The following RPS6KA6 variants were observed in gnomAD, a reference collection of about 807,000 sequenced individuals.
The protein encoded by RPS6KA6 is ribosomal protein S6 kinase A6.
In RPS6KA6, 27 loss-of-function variants were observed where a neutral mutation model predicts 65.4. The ratio of observed to expected loss-of-function variants is 0.41; its 90% confidence interval spans 0.30 to 0.57. The LOEUF (loss-of-function observed/expected upper bound fraction) is 0.57, where lower values mean the gene tolerates loss of function less well. RPS6KA6 is among the 20% of genes least tolerant of loss of function. RPS6KA6 has a pLI of 0.24. For synonymous variants in RPS6KA6, 190 were observed against 184.2 expected, an observed-to-expected ratio of 1.03 and a Z score of -0.26; for missense variants, 486 against 555.6, an observed-to-expected ratio of 0.87 and a Z score of 1.26.
intron 12 of RPS6KA6, among the ~76,000 whole-genome samples, chrX:84,108,935 A>C (rs2034415479): frequency 8.9e-6 from 1 of 111,985 alleles, no homozygotes; most frequent in Non-Finnish European, 1.9e-5. Flanking sequence ...TGTTGGGTCT[A>C]CAGCACAGCT....
At chrX:84,180,473 C>T (rs1376965810) in intron 1 of RPS6KA6, among the ~76,000 whole-genome samples, 1 of 111,442 alleles carries the variant, frequency 9.0e-6, no homozygotes, top group African/African-American at 3.2e-5. Context: ...GTACTCTATT[C>T]TGGTCTACTG....
intron 20 of RPS6KA6, among the ~76,000 whole-genome samples, chrX:84,090,900 A>G (rs1372268730): frequency 8.9e-6 from 1 of 112,125 alleles, no homozygotes; most frequent in African/African-American, 3.2e-5. Flanking sequence ...CGAGCCTTCA[A>G]TTGTTAAAGG....
intron 1 of RPS6KA6, chrX:84,186,621 G>A (rs1190429454): frequency 9.0e-6 from 1 of 110,925 alleles, no homozygotes; most frequent in Non-Finnish European, 1.9e-5. Flanking sequence ...CTTAACCCCA[G>A]TTTAGTTGAT....
chrX:84,064,352 T>C lies in RPS6KA6; in HGVS notation c.2163A>G (p.Pro721=), dbSNP rs2033352366. 2 of 1,205,549 alleles carry C rather than the reference T, an allele frequency of 1.7e-6. No homozygotes were observed. The highest frequency in any genetic ancestry group is 3.6e-5 in the South Asian group (2 of 56,002). The change falls in exon 22 of 22, where the codon CCA becomes CCG. Residue 721 remains proline, a synonymous_variant. Coordinates refer to ENST00000262752, the MANE Select transcript of RPS6KA6 (RefSeq NM_014496.5). The part of the protein sequence containing the change: ...YSALTHKTFQ[P]VLEPVAASSL... ...TTGAAGCAGCTACAGGCTCTAGGAC[T>C]GGTTGAAAGGTCTTGTGAGTCAGGG...
chrX:84,106,614 G>A (rs936726979), intron 14 of RPS6KA6, 127 bp from the exon 15 acceptor site: 8 of 526,968 alleles, frequency 1.5e-5, no homozygotes, highest in East Asian at 7.9e-5. Flanking sequence ...AAGTTTTATC[G>A]ACATTTATAA....
At chrX:84,138,801 T>TTGTG (rs3077407) in intron 6 of RPS6KA6, among the ~76,000 whole-genome samples, 87 of 99,225 alleles carry the variant, frequency 8.8e-4, no homozygotes, top group African/African-American at 3.2e-3. Context: ...ACCTGTGTAT[T>TTGTG]TGTGTGTGTG....
rs925069789 is a variant in RPS6KA6 at position 84,073,101 on chromosome X, G to C, written c.1972-7990C>G. On this transcript the variant is annotated intron_variant, in intron 20 of 21. Transcript: ENST00000262752. ...CATTTTGAGCAAAAAGAACAAAGCT[G>C]GAGGCATAACACTGACTTCAAAGTA... Among the ~76,000 whole-genome samples, 3 of 111,577 alleles carry C rather than the reference G, an allele frequency of 2.7e-5. No homozygotes were observed. The South Asian group carries it at 1.1e-3, about 41-fold the overall frequency.
In RPS6KA6 at chrX:84,079,647, C is replaced by T. The variant is rs147514690; in HGVS notation, c.1972-14536G>A. Among the ~76,000 whole-genome samples, 142 of 111,147 alleles carry T rather than the reference C, an allele frequency of 1.3e-3. 2 individuals carry two copies. In the East Asian group the frequency reaches 0.032, roughly 25 times the overall value. The stretch of plus-strand genomic sequence containing the variant: ...CACTTGAGCTTGGTGGGGGGAGGGG[C>T]GTCCACCATCATTGAGGCTTGAGTA... On this transcript the variant is annotated intron_variant, in intron 20 of 21. Coordinates refer to ENST00000262752, the MANE Select transcript of RPS6KA6 (RefSeq NM_014496.5).
At chrX:84,100,913 T>C (rs1384384524) in intron 18 of RPS6KA6, among the ~76,000 whole-genome samples, 1 of 110,944 alleles carries the variant, frequency 9.0e-6, no homozygotes, top group Non-Finnish European at 1.9e-5. Context: ...TATAGTATTT[T>C]CTATATTTCT....
chrX:84,155,482 T>C (rs2035400210), intron 3 of RPS6KA6, among the ~76,000 whole-genome samples: 3 of 112,023 alleles, frequency 2.7e-5, no homozygotes, highest in Admixed American at 9.5e-5. Context: ...ACCATGTTAT[T>C]AAGTGCTTAA....
At chrX:84,115,428 G>A (rs918803184) in intron 12 of RPS6KA6, among the ~76,000 whole-genome samples, 11 of 111,779 alleles carry the variant, frequency 9.8e-5, no homozygotes, top group Non-Finnish European at 2.1e-4. Flanking sequence ...CAGTCAGGAG[G>A]GCTTTTATTA....
At chrX:84,164,443 C>G in intron 1 of RPS6KA6, 56 bp from the exon 2 acceptor site, 1 of 850,649 alleles carries the variant, frequency 1.2e-6, no homozygotes, top group Non-Finnish European at 1.7e-6. Flanking sequence ...AGAGTGATAA[C>G]TAAGAAAAAT....
chrX:84,156,247 T>C, intron 2 of RPS6KA6, 56 bp from the exon 3 acceptor site: 1 of 650,984 alleles, frequency 1.5e-6, no homozygotes, highest in Admixed American at 2.5e-5. Flanking sequence ...TTCTGATTAG[T>C]TCCATTTAAA....
chrX:84,169,901 T>TGGCCAATAATTACA (rs1313888524), intron 1 of RPS6KA6, among the ~76,000 whole-genome samples: 1 of 111,501 alleles, frequency 9.0e-6, no homozygotes, highest in Non-Finnish European at 1.9e-5. Flanking sequence ...CCAGGTGCTG[T>TGGCCAATAATTACA]GGCTCATGCC....
At chrX:84,081,006 A>G (rs1445729616) in intron 20 of RPS6KA6, among the ~76,000 whole-genome samples, 1 of 112,178 alleles carries the variant, frequency 8.9e-6, no homozygotes, top group African/African-American at 3.2e-5. Context: ...ATAGCACTAA[A>G]TGCCCACAGG....
At chrX:84,132,766 C>T (rs1311628330) in intron 8 of RPS6KA6, among the ~76,000 whole-genome samples, 3 of 107,264 alleles carry the variant, frequency 2.8e-5, no homozygotes, top group Non-Finnish European at 3.8e-5. Flanking sequence ...TCTGTTATAA[C>T]AATCATAATC....
rs750679148 is a variant in RPS6KA6 at position 84,134,552 on chromosome X, A to G, written c.646+230T>C. Among the ~76,000 whole-genome samples the G allele has an allele frequency of 2.7e-5, 3 of 111,109 alleles. No homozygotes were observed. The East Asian group carries it at 8.5e-4, about 32-fold the overall frequency. On this transcript the variant is annotated intron_variant, in intron 8 of 21. Transcript: ENST00000262752. Reference sequence around the variant, plus strand: ...AAGATGATGTATTGTTACCTAGAAAACGATCATTTCTTATTCAGGATAAGT... The same window carrying G: ...AAGATGATGTATTGTTACCTAGAAAGCGATCATTTCTTATTCAGGATAAGT...
chrX:84,075,368 A>G (rs2033643231), intron 20 of RPS6KA6, among the ~76,000 whole-genome samples: 1 of 112,325 alleles, frequency 8.9e-6, no homozygotes, highest in Non-Finnish European at 1.9e-5. Context: ...AGAGTATAGA[A>G]CAACAAAAGA....
intron 8 of RPS6KA6, among the ~76,000 whole-genome samples, chrX:84,123,181 A>C (rs1005267348): frequency 1.1e-4 from 12 of 112,013 alleles, no homozygotes; most frequent in African/African-American, 3.2e-4. Flanking sequence ...GGCCATGAAC[A>C]ACCACCAGCA....
Sources: allele counts gnomAD v4.1 joint callset (sites outside exome capture counted in the v4.1 genomes callset), GRCh38; gene constraint gnomAD v4.1.1; transcripts MANE v1.5; gene names NCBI Gene and HGNC (gene_info 2026-07-23, HGNC 2026-07-21).